Variants in CTNNA2 observed in about 807,000 individuals in gnomAD.
The protein encoded by CTNNA2 is catenin alpha 2, also known as catenin alpha-2.
CTNNA2 carries 42 observed loss-of-function variants against 101.0 expected under a neutral mutation model. The ratio of observed to expected loss-of-function variants is 0.42; its 90% CI spans 0.32 to 0.54. CTNNA2 has a LOEUF of 0.54. CTNNA2 is among the 20% of genes least tolerant of loss of function. The pLI, the probability that CTNNA2 is intolerant of heterozygous loss-of-function variation, is 0.14. For missense variants in CTNNA2, 871 were observed against 1,223.1 expected (o/e 0.71, Z 4.29); for synonymous variants, 450 against 456.4 (o/e 0.99, Z 0.18).
chr2:79,956,657 G>A (rs561737816), intron 7 of CTNNA2, among the ~76,000 whole-genome samples: 2 of 152,220 alleles, frequency 1.3e-5, no homozygotes, highest in South Asian at 4.1e-4. Context: ...ACTATCAAAG[G>A]TATCTTGAAA....
At chr2:79,813,801 A>C (rs567263365) in intron 3 of CTNNA2, among the ~76,000 whole-genome samples, 2 of 152,308 alleles carry the variant, frequency 1.3e-5, no homozygotes, top group African/African-American at 2.4e-5. Context: ...TGTCTACATT[A>C]GTTTCCTAGA....
At chr2:79,492,190 AT>A in intron 4 of CTNNA2, among the ~76,000 whole-genome samples, 1 of 152,106 alleles carries the variant, frequency 6.6e-6, no homozygotes, top group Non-Finnish European at 1.5e-5. Flanking sequence ...AAATCTACAT[AT>A]TTTTAATGTG....
At chr2:80,301,254 G>A (rs1459814831) in intron 7 of CTNNA2, among the ~76,000 whole-genome samples, 1 of 152,164 alleles carries the variant, frequency 6.6e-6, no homozygotes, top group Non-Finnish European at 1.5e-5. Context: ...TTAGCAATGT[G>A]CTCCAGAAGC....
chr2:79,447,040 C>T (rs2104523684), intron 4 of CTNNA2, among the ~76,000 whole-genome samples: 1 of 152,034 alleles, frequency 6.6e-6, no homozygotes, highest in East Asian at 1.9e-4. Flanking sequence ...AAAGAAAGAG[C>T]CAGTGTACTT....
chr2:79,512,873 A>C, upstream of CTNNA2: 1 of 149,694 alleles, frequency 6.7e-6, no homozygotes, highest in South Asian at 2.2e-4. Flanking sequence ...CCGCGGAGCC[A>C]CGGGGACCGC....
At chr2:80,622,912 T>C (rs531032625) in intron 18 of CTNNA2, among the ~76,000 whole-genome samples, 2 of 151,630 alleles carry the variant, frequency 1.3e-5, no homozygotes, top group South Asian at 4.2e-4. Flanking sequence ...TAATTTCCTA[T>C]TGTGACATCA....
chr2:79,483,302 A>G (rs1365074441), intron 4 of CTNNA2, among the ~76,000 whole-genome samples: 2 of 152,230 alleles, frequency 1.3e-5, no homozygotes, highest in East Asian at 1.9e-4. Context: ...GTTAGTTATT[A>G]CCGCATAACA....
chr2:79,504,217 C>T (rs10177667), intron 4 of CTNNA2, among the ~76,000 whole-genome samples: 3,460 of 152,060 alleles, frequency 0.023, 163 homozygotes, highest in East Asian at 0.19. Context: ...ATGTGAACTA[C>T]TGTTTTTTTT....
chr2:79,638,387 T>G (rs1002625620), intron 1 of CTNNA2, among the ~76,000 whole-genome samples: 5 of 152,212 alleles, frequency 3.3e-5, no homozygotes, highest in African/African-American at 7.2e-5. Flanking sequence ...CATATGATTT[T>G]CTGTATCAAA....
chr2:79,787,436 T>G (rs750043257), intron 3 of CTNNA2, among the ~76,000 whole-genome samples: 9 of 152,108 alleles, frequency 5.9e-5, no homozygotes, highest in Non-Finnish European at 1.3e-4. Flanking sequence ...GTTTGTGTTG[T>G]TCATAAAAGA....
At chr2:79,351,719 GATA>G (rs1677392621) in intron 3 of CTNNA2, among the ~76,000 whole-genome samples, 2 of 152,234 alleles carry the variant, frequency 1.3e-5, no homozygotes, top group South Asian at 4.1e-4. Context: ...GTTCACTTAT[GATA>G]ATGTTTCCCA....
At chr2:79,769,398 C>G (rs1299493140) in intron 3 of CTNNA2, among the ~76,000 whole-genome samples, 1 of 152,108 alleles carries the variant, frequency 6.6e-6, no homozygotes, top group Non-Finnish European at 1.5e-5. Context: ...ACTCTGCAGG[C>G]CACTTCTGGT....
chr2:79,785,873 G>T (rs1040601977), intron 3 of CTNNA2, among the ~76,000 whole-genome samples: 2 of 151,936 alleles, frequency 1.3e-5, no homozygotes, highest in East Asian at 1.9e-4. Context: ...ATATCCCAAA[G>T]AAAAAAATGA....
chr2:80,303,150 C>A lies in CTNNA2; in HGVS notation c.1057-90061C>A, dbSNP rs964847233. The A allele has an allele frequency of 1.2e-6, 2 of 1,614,002 alleles. No individual in the cohort carries two copies. Among genetic ancestry groups the A allele is most frequent in the African/African-American group, 2.7e-5 (2 of 74,914 alleles). ...AGGCGCGGGAAGTGGGCGAAGTTCA[C>A]CTTGACCAAGTCGTTGTGCTCGAGG... On this transcript the variant is annotated intron_variant, in intron 7 of 18. Transcript: ENST00000402739. The surrounding 1 kb of genome is among the most constrained non-coding windows in gnomAD (Gnocchi z 7.7).
intron 7 of CTNNA2, among the ~76,000 whole-genome samples, chr2:80,139,609 C>T (rs1028942119): frequency 2.6e-5 from 4 of 151,996 alleles, no homozygotes; most frequent in Non-Finnish European, 5.9e-5. Context: ...ATACATAATA[C>T]AATATATATT....
intron 4 of CTNNA2, among the ~76,000 whole-genome samples, chr2:79,390,990 G>A (rs775286956): frequency 2.0e-5 from 3 of 152,054 alleles, no homozygotes; most frequent in Non-Finnish European, 4.4e-5. Context: ...TGACTAAAAA[G>A]GTAGAAAAAA....
intron 3 of CTNNA2, among the ~76,000 whole-genome samples, chr2:79,766,225 G>A (rs936665192): frequency 1.3e-5 from 2 of 152,072 alleles, no homozygotes; most frequent in African/African-American, 4.8e-5. Context: ...GTGTTAATGC[G>A]GTCCGTGAGC....
intron 3 of CTNNA2, among the ~76,000 whole-genome samples, chr2:79,813,333 CATT>C (rs1677199925): frequency 6.6e-6 from 1 of 152,150 alleles, no homozygotes; most frequent in Non-Finnish European, 1.5e-5. Flanking sequence ...GAGGCAATTG[CATT>C]ATTCCCACAG....
intron 11 of CTNNA2, among the ~76,000 whole-genome samples, chr2:80,551,029 T>A (rs143762677): frequency 6.6e-6 from 1 of 152,322 alleles, no homozygotes; most frequent in East Asian, 1.9e-4. Context: ...AAAGTCAAAA[T>A]GACTCCTTGA....
Sources: gnomAD v4.1 joint callset for allele counts (sites outside exome capture counted in the v4.1 genomes callset) on GRCh38, gnomAD v4.1.1 for gene constraint, Gnocchi (gnomAD v3.1) non-coding constraint, MANE v1.5 for transcripts, NCBI Gene and HGNC (gene_info 2026-07-23, HGNC 2026-07-21) for gene names.